DCDC1: variants seen among roughly 807,000 people sequenced by gnomAD.
DCDC1 encodes doublecortin domain containing 1.
DCDC1 carries 200 observed loss-of-function variants against 178.3 expected under a neutral mutation model. That is an observed-to-expected ratio of 1.12 (90% confidence interval 1.00 to 1.26). The LOEUF (loss-of-function observed/expected upper bound fraction) is 1.26, where lower values mean the gene tolerates loss of function less well. Among genes scored for constraint, DCDC1 ranks in the 50% most tolerant of loss-of-function variants. The probability of loss-of-function intolerance (pLI) is 0.00; values close to 1 mark genes in which losing one functional copy is unlikely to be tolerated. For missense variants in DCDC1, 1,983 were observed against 1,749.2 expected (o/e 1.13, Z -2.38); for synonymous variants, 690 against 604.8 (o/e 1.14, Z -2.07).
In DCDC1 at chr11:31,213,100, C is replaced by CCTCTCTCT. The variant is rs71060480; in HGVS notation, c.1221+28342_1221+28349dup. Among the ~76,000 whole-genome samples, 52 of 44,260 alleles carry CCTCTCTCT rather than the reference C, an allele frequency of 1.2e-3. 1 individual carries two copies. The highest frequency in any genetic ancestry group is 6.6e-3 in the South Asian group (6 of 912). 29.0% of individuals were successfully genotyped at this position (44,260 alleles called of 152,430 possible). A position where few individuals can be genotyped will look rare whatever the true frequency, so the allele number is the denominator to read the frequency against. ...GTGTCATCTTCTATATAAAGCCCAGCCTCTCTCTCTCTCTCTCTCTCTCTC... is the reference window on the plus strand; with the variant it reads ...GTGTCATCTTCTATATAAAGCCCAGCCTCTCTCTCTCTCTCTCTCTCTCTCTCTCTCTC... On this transcript the variant is annotated intron_variant, in intron 9 of 38. Coordinates refer to ENST00000684477, the MANE Select transcript of DCDC1 (RefSeq NM_001387274.1).
chr11:31,102,345 T>G (rs909016505), intron 14 of DCDC1, 63 bp from the exon 15 acceptor site: 3 of 590,096 alleles, frequency 5.1e-6, no homozygotes, highest in African/African-American at 3.7e-5. Flanking sequence ...TACAATGCCC[T>G]TTACTCTTTA....
chr11:31,328,487 G>A (rs1446091238), intron 2 of DCDC1, among the ~76,000 whole-genome samples: 1 of 151,894 alleles, frequency 6.6e-6, no homozygotes, highest in Non-Finnish European at 1.5e-5. Context: ...TCTACAATTG[G>A]TATAATACTG....
At chr11:31,041,578 G>A (rs144372930) in intron 20 of DCDC1, among the ~76,000 whole-genome samples, 11 of 152,186 alleles carry the variant, frequency 7.2e-5, no homozygotes, top group South Asian at 2.1e-4. Context: ...GTAAGAATTC[G>A]GAACCAGGGA....
chr11:31,033,002 G>C (rs933204735), intron 20 of DCDC1, among the ~76,000 whole-genome samples: 1 of 152,126 alleles, frequency 6.6e-6, no homozygotes, highest in Non-Finnish European at 1.5e-5. Context: ...GGCCTTGGCT[G>C]TTTAAAAAAA....
At chr11:30,870,307 TC>T (rs975829519) in intron 38 of DCDC1, among the ~76,000 whole-genome samples, 16 of 152,014 alleles carry the variant, frequency 1.1e-4, no homozygotes, top group African/African-American at 3.9e-4. Flanking sequence ...ATATCAACCT[TC>T]CCATGGGAGC....
chr11:31,189,593 T>A (rs1969906026), intron 9 of DCDC1, among the ~76,000 whole-genome samples: 1 of 152,190 alleles, frequency 6.6e-6, no homozygotes, highest in Non-Finnish European at 1.5e-5. Context: ...CTTCTGTAGG[T>A]TGCAGGGGAG....
intron 20 of DCDC1, among the ~76,000 whole-genome samples, chr11:30,956,967 C>G (rs180798059): frequency 7.9e-5 from 12 of 152,274 alleles, no homozygotes; most frequent in Admixed American, 2.0e-4. Context: ...TGGAGCCCTT[C>G]TTATTTCACT....
chr11:31,349,140 C>T (rs564726630), intron 1 of DCDC1, among the ~76,000 whole-genome samples: 49 of 152,158 alleles, frequency 3.2e-4, no homozygotes, highest in African/African-American at 1.2e-3. Flanking sequence ...TATAATTGTA[C>T]AACTAGACAA....
chr11:31,252,098 C>T (rs914318452), intron 8 of DCDC1, among the ~76,000 whole-genome samples: 1 of 152,128 alleles, frequency 6.6e-6, no homozygotes, highest in African/African-American at 2.4e-5. Context: ...AGTGAGCTTG[C>T]AGACTCCACT....
chr11:31,260,717 A>G (rs1201027117), intron 8 of DCDC1, among the ~76,000 whole-genome samples: 1 of 152,186 alleles, frequency 6.6e-6, no homozygotes, highest in African/African-American at 2.4e-5. Context: ...CTTGAGAGGG[A>G]GAGTGACTCC....
chr11:31,121,491 T>A (rs1960797215), intron 11 of DCDC1, among the ~76,000 whole-genome samples: 1 of 149,394 alleles, frequency 6.7e-6, no homozygotes, highest in Admixed American at 6.8e-5. Flanking sequence ...AGTGAGGCAA[T>A]ATGGAACACA....
In DCDC1 at chr11:31,271,981, T is replaced by G. The variant is rs543915322; in HGVS notation, c.961-6381A>C. On this transcript the variant is annotated intron_variant, in intron 7 of 38. Coordinates refer to ENST00000684477, the MANE Select transcript of DCDC1 (RefSeq NM_001387274.1). Reference sequence around the variant, plus strand: ...TTTGAGACCAGCCTGGCCAACATGGTTGATTCCCCATCTCTACTAAAAATA... The same window carrying G: ...TTTGAGACCAGCCTGGCCAACATGGGTGATTCCCCATCTCTACTAAAAATA... Among the ~76,000 whole-genome samples, 69 of 152,138 alleles carry G rather than the reference T, an allele frequency of 4.5e-4. 1 individual carries two copies. The highest frequency in any genetic ancestry group is 8.2e-4 in the Non-Finnish European group (56 of 67,968).
chr11:30,906,394 C>T, intron 30 of DCDC1, 146 bp downstream of exon 30: 1 of 778,762 alleles, frequency 1.3e-6, no homozygotes, highest in Non-Finnish European at 2.0e-6. Flanking sequence ...AAAAGGAAAT[C>T]AATGCAGGTA....
chr11:31,213,100 CCTCTCTCTCTCTCTCT>C (rs71060480), intron 9 of DCDC1, among the ~76,000 whole-genome samples: 9,482 of 44,280 alleles, frequency 0.21, 1,066 homozygotes, highest in East Asian at 0.27. Context: ...TAAAGCCCAG[CCTCTCTCTCTCTCTCT>C]CTCTCTCTCT....
intron 17 of DCDC1, 75 bp downstream of exon 17, chr11:31,091,318 G>A: frequency 1.6e-6 from 1 of 629,764 alleles, no homozygotes; most frequent in Non-Finnish European, 2.9e-6. Flanking sequence ...AAACCAGGAG[G>A]CATCACAATT....
chr11:31,222,245 G>C (rs2136677252), intron 9 of DCDC1, among the ~76,000 whole-genome samples: 1 of 152,032 alleles, frequency 6.6e-6, no homozygotes, highest in Middle Eastern at 3.4e-3. Context: ...TGTATTTTTA[G>C]TGAAGACACA....
At chr11:31,061,350 T>C (rs1195679568) in intron 20 of DCDC1, among the ~76,000 whole-genome samples, 1 of 152,184 alleles carries the variant, frequency 6.6e-6, no homozygotes, top group African/African-American at 2.4e-5. Context: ...GCATTTACTT[T>C]ACTTTGGACC....
At chr11:31,193,930 G>A (rs1185774217) in intron 9 of DCDC1, among the ~76,000 whole-genome samples, 1 of 152,052 alleles carries the variant, frequency 6.6e-6, no homozygotes, top group Non-Finnish European at 1.5e-5. Context: ...CATGTAGCAA[G>A]TCAATGGCTG....
chr11:31,231,706 C>CAA (rs398115233), intron 9 of DCDC1, among the ~76,000 whole-genome samples: 11 of 150,754 alleles, frequency 7.3e-5, no homozygotes, highest in Admixed American at 3.3e-4. Flanking sequence ...GGAGGGAACA[C>CAA]AAAAAAAAAT....
Sources: allele counts gnomAD v4.1 joint callset (sites outside exome capture counted in the v4.1 genomes callset), GRCh38; gene constraint gnomAD v4.1.1; transcripts MANE v1.5; gene names NCBI Gene and HGNC (gene_info 2026-07-23, HGNC 2026-07-21).